The following APPBP2 variants were observed in gnomAD, a reference collection of about 807,000 sequenced individuals.
APPBP2 encodes amyloid protein-binding protein 2.
In APPBP2, 15 loss-of-function variants were observed where a neutral mutation model predicts 76.0. That is an observed-to-expected ratio of 0.20 (90% CI 0.13 to 0.30). The LOEUF (loss-of-function observed/expected upper bound fraction) is 0.30, where lower values mean the gene tolerates loss of function less well. APPBP2 is among the 10% of genes least tolerant of loss of function. The pLI is 1.00. For missense variants in APPBP2, 401 were observed against 687.2 expected, an observed-to-expected ratio of 0.58 and a Z score of 4.66; for synonymous variants, 222 against 242.2, an observed-to-expected ratio of 0.92 and a Z score of 0.77.
intron 3 of APPBP2, 127 bp from the exon 4 acceptor site, chr17:60,479,398 T>C: frequency 1.0e-6 from 1 of 990,362 alleles, no homozygotes; most frequent in Non-Finnish European, 1.4e-6. Flanking sequence ...GTGTTTAGCA[T>C]ACAACACAGG....
At chr17:60,458,442 AAAAC>A (rs2090448348) in intron 9 of APPBP2, among the ~76,000 whole-genome samples, 2 of 151,498 alleles carry the variant, frequency 1.3e-5, no homozygotes, top group Non-Finnish European at 2.9e-5. Context: ...TCTCAAAAAA[AAAAC>A]AAAACAAAAA....
chr17:60,523,049 T>C (rs893548908), intron 1 of APPBP2, among the ~76,000 whole-genome samples: 2 of 152,000 alleles, frequency 1.3e-5, no homozygotes, highest in Non-Finnish European at 2.9e-5. Context: ...AGTCATACTG[T>C]AGTACACCAA....
chr17:60,501,337 T>C (rs1402445240), intron 1 of APPBP2, among the ~76,000 whole-genome samples: 2 of 152,002 alleles, frequency 1.3e-5, no homozygotes, highest in Admixed American at 6.6e-5. Context: ...TATAAATAAA[T>C]AAACAGAAAG....
At position 60,453,548 on chromosome 17, in the gene APPBP2, G is replaced by GT. The variant is rs1054946504; in HGVS notation, c.1338+753dup. Among the ~76,000 whole-genome samples the GT allele has an allele frequency of 9.2e-4, 128 of 139,870 alleles. 1 individual carries two copies. In the Middle Eastern group the frequency reaches 0.011, roughly 12 times the overall value. 91.8% of individuals were successfully genotyped at this position (139,870 alleles called of 152,430 possible). On this transcript the variant is annotated intron_variant, in intron 11 of 12. Transcript: ENST00000083182. Reference sequence around the variant, plus strand: ...TTTTCATGATCCTGTTTTTTTTTTTGTTTTTTTTGAAGACAGGCTCTCACT... The same window carrying GT: ...TTTTCATGATCCTGTTTTTTTTTTTGTTTTTTTTTGAAGACAGGCTCTCACT...
At chr17:60,482,221 G>A (rs796461151) in intron 3 of APPBP2, among the ~76,000 whole-genome samples, 7 of 152,266 alleles carry the variant, frequency 4.6e-5, no homozygotes, top group African/African-American at 1.7e-4. Context: ...TAAGAAATGT[G>A]TTCCTTGACT....
chr17:60,462,170 C>A, intron 6 of APPBP2, 109 bp from the exon 7 acceptor site: 1 of 824,720 alleles, frequency 1.2e-6, no homozygotes, highest in Non-Finnish European at 2.0e-6. Context: ...AAAAACCCTC[C>A]AAACATAAAT....
chr17:60,453,536 G>GTTT (rs544790789), intron 11 of APPBP2, among the ~76,000 whole-genome samples: 21 of 140,496 alleles, frequency 1.5e-4, no homozygotes, highest in African/African-American at 4.8e-4. Flanking sequence ...TCATGATCCT[G>GTTT]TTTTTTTTTT....
chr17:60,525,087 T>G (rs2091041330), intron 1 of APPBP2, among the ~76,000 whole-genome samples: 1 of 152,214 alleles, frequency 6.6e-6, no homozygotes, highest in Admixed American at 6.5e-5. Flanking sequence ...ATTGCAACTT[T>G]CAAACACAGG....
chr17:60,452,087 CATCTT>C (rs1453307691), intron 11 of APPBP2, 42 bp from the exon 12 acceptor site: 9 of 1,594,006 alleles, frequency 5.6e-6, no homozygotes, highest in African/African-American at 1.4e-5. Context: ...TACTTTTTCT[CATCTT>C]AACAGTTCTT....
intron 4 of APPBP2, among the ~76,000 whole-genome samples, chr17:60,473,245 A>G (rs73326493): frequency 0.082 from 12,505 of 152,148 alleles, 1,705 homozygotes; most frequent in African/African-American, 0.28. Context: ...GTTCTATCAC[A>G]CTTTTCTATT....
intron 1 of APPBP2, among the ~76,000 whole-genome samples, chr17:60,512,728 A>G (rs2090924750): frequency 6.7e-6 from 1 of 148,938 alleles, no homozygotes; most frequent in African/African-American, 2.5e-5. Context: ...CCAGCTACTC[A>G]GGAGGCTGAG....
chr17:60,511,506 A>G (rs1426360494), intron 1 of APPBP2, among the ~76,000 whole-genome samples: 3 of 151,228 alleles, frequency 2.0e-5, no homozygotes. Context: ...AAACACTTGA[A>G]CTCGGAAGGC....
intron 4 of APPBP2, among the ~76,000 whole-genome samples, chr17:60,472,100 T>A (rs1234794963): frequency 6.6e-6 from 1 of 152,164 alleles, no homozygotes; most frequent in East Asian, 1.9e-4. Context: ...CACTCCAGCC[T>A]GGGCAAAAGA....
At position 60,446,664 on chromosome 17, in the gene APPBP2, C is replaced by A. The variant is rs546071151; in HGVS notation, c.*917G>T. ...ATAGACTTGCTTATGGCACTGCCAT[C>A]TGTGTACCTTGACTAAAAATATGCC... On this transcript the variant is annotated 3_prime_UTR_variant, in exon 13 of 13. Transcript: ENST00000083182. The A allele has an allele frequency of 2.6e-5, 4 of 152,320 alleles. No homozygotes were observed. The highest frequency in any genetic ancestry group is 2.9e-5 in the Non-Finnish European group (2 of 68,028). The allele number at this position is 152,320 out of a possible 1,614,324, so 9.4% of individuals were successfully genotyped here. A position where few individuals can be genotyped will look rare whatever the true frequency, so the allele number is the denominator to read the frequency against.
chr17:60,478,335 A>C (rs2090605702), intron 4 of APPBP2, among the ~76,000 whole-genome samples: 1 of 152,212 alleles, frequency 6.6e-6, no homozygotes, highest in Non-Finnish European at 1.5e-5. Context: ...AAAAATAAGG[A>C]CAATAAAGCA....
intron 12 of APPBP2, among the ~76,000 whole-genome samples, chr17:60,451,527 G>T (rs1395881912): frequency 2.0e-5 from 3 of 152,018 alleles, no homozygotes; most frequent in African/African-American, 4.8e-5. Flanking sequence ...AGGCTGGAGA[G>T]CAGTGGCACA....
chr17:60,451,932 G>A lies in APPBP2; in HGVS notation c.1452C>T (p.Asp484=). ...TCTCAGCATTTTCATACTGATTCAT[G>A]TCATAATTATATAAAGAAGCCAGAT... is the stretch of plus-strand genomic sequence containing the variant. The part of the protein sequence containing the change: ...VGHLASLYNY[D]MNQYENAEKL... Residue 484 remains aspartate (D), a synonymous_variant, in exon 12 of 13, where the codon GAC becomes GAT. Transcript: ENST00000083182. The A allele has an allele frequency of 6.2e-7, 1 of 1,613,562 alleles. No homozygotes were observed. Among genetic ancestry groups the A allele is most frequent in the South Asian group, 1.1e-5 (1 of 91,028 alleles).
intron 1 of APPBP2, among the ~76,000 whole-genome samples, chr17:60,524,080 G>T (rs150684469): frequency 6.6e-6 from 1 of 152,104 alleles, no homozygotes; most frequent in Non-Finnish European, 1.5e-5. Flanking sequence ...GTACCAAAAA[G>T]GAGCAATATT....
At chr17:60,477,800 CAAAA>C (rs1177773203) in intron 4 of APPBP2, among the ~76,000 whole-genome samples, 2 of 66,836 alleles carry the variant, frequency 3.0e-5, no homozygotes, top group Admixed American at 1.7e-4. Context: ...TCCAACTGGC[CAAAA>C]AAAAAAAAAA....
Sources: gnomAD v4.1 joint callset for allele counts (sites outside exome capture counted in the v4.1 genomes callset) on GRCh38, gnomAD v4.1.1 for gene constraint, MANE v1.5 for transcripts, NCBI Gene and HGNC (gene_info 2026-07-23, HGNC 2026-07-21) for gene names.